MGRN1: variants seen among roughly 807,000 people sequenced by gnomAD.
The protein encoded by MGRN1 is E3 ubiquitin-protein ligase MGRN1.
Under a neutral mutation model 69.2 loss-of-function variants are expected in MGRN1, and 29 were observed. That is an observed-to-expected ratio of 0.42 (90% CI 0.31 to 0.57). The LOEUF is 0.57. MGRN1 is among the 20% of genes least tolerant of loss of function. The pLI is 0.15. For synonymous variants in MGRN1, 470 were observed against 344.2 expected, an observed-to-expected ratio of 1.37 and a Z score of -4.04; for missense variants, 998 against 796.2, an observed-to-expected ratio of 1.25 and a Z score of -3.05.
chr16:4,628,768 C>A (rs971363972), intron 1 of MGRN1, among the ~76,000 whole-genome samples: 6 of 152,198 alleles, frequency 3.9e-5, no homozygotes, highest in Non-Finnish European at 7.3e-5. Context: ...TGGTCTCGAG[C>A]TCCTGACCTC....
chr16:4,627,948 C>T (rs1337153647), intron 1 of MGRN1, among the ~76,000 whole-genome samples: 7 of 147,994 alleles, frequency 4.7e-5, no homozygotes, highest in Non-Finnish European at 1.0e-4. Flanking sequence ...GGTGTGGTGG[C>T]GGGCACCTGT....
Position 4,681,733 on chromosome 16 carries a change from A to C in MGRN1, c.1315A>C (p.Ser439Arg). Residue 439 changes from serine to arginine, a missense_variant, in exon 13 of 17, where the codon AGC (serine) becomes CGC (arginine). Ser to Arg is a moderately radical substitution (Grantham distance 110, BLOSUM62 -1). Coordinates refer to ENST00000262370, the MANE Select transcript of MGRN1 (RefSeq NM_015246.4). ...CGCGGCTATCGACCACATCCTGGAC[A>C]GCAGCCGCCAGAAGGGCAGGCCGCA... ...PLAAIDHILD[S>R]SRQKGRPQSK... The C allele has an allele frequency of 1.9e-6, 3 of 1,612,596 alleles. No homozygotes were observed. The highest frequency in any genetic ancestry group is 2.5e-6 in the Non-Finnish European group (3 of 1,179,696).
intron 7 of MGRN1, among the ~76,000 whole-genome samples, chr16:4,667,771 C>T (rs989600743): frequency 6.6e-6 from 1 of 152,244 alleles, no homozygotes; most frequent in Non-Finnish European, 1.5e-5. Context: ...TGTTCTATTT[C>T]GTTCCTGCGT....
At chr16:4,665,531 G>A (rs1346109685) in intron 7 of MGRN1, among the ~76,000 whole-genome samples, 1 of 151,588 alleles carries the variant, frequency 6.6e-6, no homozygotes, top group Admixed American at 6.6e-5. Flanking sequence ...ACCACGCCTG[G>A]CTAATTTTTG....
intron 10 of MGRN1, among the ~76,000 whole-genome samples, chr16:4,675,226 G>T (rs1261456261): frequency 6.6e-6 from 1 of 151,946 alleles, no homozygotes; most frequent in African/African-American, 2.4e-5. Context: ...GCCTGCCTTG[G>T]CCTCCCAAAG....
At chr16:4,677,441 C>A in intron 10 of MGRN1, 22 bp from the exon 11 acceptor site, 1 of 1,531,438 alleles carries the variant, frequency 6.5e-7, no homozygotes, top group South Asian at 1.2e-5. Context: ...TGGGCCTGAT[C>A]TGAGCCCTCC....
rs1897586835 is a variant in MGRN1 at position 4,624,908 on chromosome 16, T to A, written c.-53T>A. The A allele has an allele frequency of 6.9e-7, 1 of 1,453,720 alleles. No homozygotes were observed. The highest frequency in any genetic ancestry group is 1.5e-5 in the African/African-American group (1 of 67,896). The allele number at this position is 1,453,720 out of a possible 1,614,324, so 90.1% of individuals were successfully genotyped here. ...CATGTCCGCGTGAGGACCCCGCCGC[T>A]GTCGCCGCTCCCGTTCCGGCCCTGG... On this transcript the variant is annotated 5_prime_UTR_variant, in exon 1 of 17. Transcript: ENST00000262370.
intron 1 of MGRN1, among the ~76,000 whole-genome samples, chr16:4,627,975 G>C (rs942886316): frequency 4.8e-5 from 7 of 146,342 alleles, no homozygotes; most frequent in African/African-American, 1.8e-4. Context: ...AGCTACTCAG[G>C]AAGCTGAGGC....
chr16:4,660,899 G>C (rs1044358253), intron 5 of MGRN1, among the ~76,000 whole-genome samples: 1 of 152,220 alleles, frequency 6.6e-6, no homozygotes, highest in African/African-American at 2.4e-5. Context: ...GGTGTCTGTG[G>C]TATCCCTCAG....
At chr16:4,687,286 G>A (rs189775607) in intron 16 of MGRN1, 6 of 985,198 alleles carry the variant, frequency 6.1e-6, no homozygotes, top group African/African-American at 3.5e-5. Context: ...GCAGTGGTTC[G>A]CACCTATAAG....
At chr16:4,627,705 G>C (rs1897754954) in intron 1 of MGRN1, among the ~76,000 whole-genome samples, 1 of 151,678 alleles carries the variant, frequency 6.6e-6, no homozygotes, top group Admixed American at 6.6e-5. Context: ...AGGCTGAATT[G>C]CTTGAAGCTG....
intron 1 of MGRN1, chr16:4,633,724 ATT>A (rs1898130244): frequency 6.6e-6 from 1 of 151,648 alleles, no homozygotes. Flanking sequence ...AAAAATTATT[ATT>A]ATTATTATTG....
rs761140588 is a variant in MGRN1, at chr16:4,680,053, C to T, written c.1087C>T (p.Pro363Ser). Residue 363 changes from proline (P) to serine (S), a missense_variant, in exon 12 of 17, where the codon CCG (proline) becomes TCG (serine). Coordinates refer to ENST00000262370, the MANE Select transcript of MGRN1 (RefSeq NM_015246.4). ...EHSCPFKKSK[P>S]HPASLASKKP... Reference sequence around the variant, plus strand: ...ACAGTGTCCCTTTAAAAAATCAAAGCCGCACCCCGCCTCCCTGGCCAGCAA... The same window carrying T: ...ACAGTGTCCCTTTAAAAAATCAAAGTCGCACCCCGCCTCCCTGGCCAGCAA... 5 of 1,613,934 alleles carry T rather than the reference C, an allele frequency of 3.1e-6. No individual in the cohort carries two copies. The highest frequency in any genetic ancestry group is 1.3e-5 in the African/African-American group (1 of 74,914).
chr16:4,680,041 A>G lies in MGRN1; in HGVS notation c.1075A>G (p.Lys359Glu). ...LEHDEHSCPF[K>E]KSKPHPASLA... ...ATTTTTATCTTGACAGTGTCCCTTT[A>G]AAAAATCAAAGCCGCACCCCGCCTC... The change falls in exon 12 of 17, where the codon AAA becomes GAA. Residue 359 changes from lysine to glutamate, a missense_variant. Physicochemically the swap from Lys to Glu is moderately conservative, Grantham distance 56. Transcript: ENST00000262370. The G allele has an allele frequency of 1.2e-6, 2 of 1,613,988 alleles. No individual in the cohort carries two copies. Among genetic ancestry groups the G allele is most frequent in the African/African-American group, 1.3e-5 (1 of 75,036 alleles).
chr16:4,650,329 A>G, intron 1 of MGRN1, 36 bp from the exon 2 acceptor site: 2 of 1,549,318 alleles, frequency 1.3e-6, no homozygotes, highest in South Asian at 2.4e-5. Context: ...AAAAAAAAAA[A>G]AAAAAATCTA....
intron 11 of MGRN1, 134 bp downstream of exon 11, chr16:4,677,706 T>A: frequency 1.2e-6 from 1 of 833,148 alleles, no homozygotes. Context: ...CCCCCATGGA[T>A]GGCTGTGAGG....
Position 4,679,219 on chromosome 16 carries a change from G to C in MGRN1, c.1066-813G>C, listed in dbSNP as rs575139278. 5.9e-5 allele frequency among the ~76,000 whole-genome samples: 9 copies of C among 152,328 alleles called. No individual in the cohort carries two copies. The South Asian group carries it at 1.9e-3, about 32-fold the overall frequency. ...AGAGGGTTTCACCTAGGGAGTGATC[G>C]ATGCTCAGGCGTGGCTAGGTTTATT... On this transcript the variant is annotated intron_variant, in intron 11 of 16. Transcript: ENST00000262370.
At position 4,689,035 on chromosome 16, in the gene MGRN1, C is replaced by T. The variant is rs1262986726; in HGVS notation, c.*127C>T. 48 of 1,282,380 alleles carry T rather than the reference C, an allele frequency of 3.7e-5. No individual in the cohort carries two copies. The highest frequency in any genetic ancestry group is 2.8e-4 in the South Asian group (18 of 63,336). The allele number at this position is 1,282,380 out of a possible 1,614,324, so 79.4% of individuals were successfully genotyped here. On this transcript the variant is annotated 3_prime_UTR_variant, in exon 17 of 17. Transcript: ENST00000262370. ...CTGTGGCCACCAGGCTCCGAGGGGCCGTGGTGACTCTTGATCAAAGAGCAC... is the reference window on the plus strand; with the variant it reads ...CTGTGGCCACCAGGCTCCGAGGGGCTGTGGTGACTCTTGATCAAAGAGCAC...
intron 10 of MGRN1, 80 bp downstream of exon 10, chr16:4,673,737 G>A (rs574843902): frequency 2.6e-5 from 40 of 1,529,720 alleles, no homozygotes; most frequent in Non-Finnish European, 3.4e-5. Context: ...TGGGATAGGG[G>A]GCCACAGGTC....
Sources: allele counts gnomAD v4.1 joint callset (sites outside exome capture counted in the v4.1 genomes callset), GRCh38; gene constraint gnomAD v4.1.1; transcripts MANE v1.5; gene names NCBI Gene and HGNC (gene_info 2026-07-23, HGNC 2026-07-21).